Variants in CCSER1 observed in about 807,000 individuals in gnomAD.
CCSER1 encodes coiled-coil serine rich protein 1.
Under a neutral mutation model 82.0 loss-of-function variants are expected in CCSER1, and 41 were observed. The observed-to-expected ratio is 0.50, with a 90% CI of 0.39 to 0.65. The LOEUF is 0.65. Ranked by LOEUF, CCSER1 falls within the 30% of genes least tolerant of loss-of-function variation. The pLI is 0.00. For synonymous variants in CCSER1, 414 were observed against 383.9 expected, an observed-to-expected ratio of 1.08 and a Z score of -0.92; for missense variants, 1,119 against 1,064.2, an observed-to-expected ratio of 1.05 and a Z score of -0.72.
intron 10 of CCSER1, among the ~76,000 whole-genome samples, chr4:91,160,755 G>GTT (rs576500992): frequency 8.8e-4 from 132 of 150,432 alleles, no homozygotes; most frequent in African/African-American, 3.1e-3. Context: ...TGTTGTTGTT[G>GTT]TTTTTTTTGT....
At chr4:90,454,292 C>T (rs1761892238) in intron 4 of CCSER1, among the ~76,000 whole-genome samples, 2 of 142,596 alleles carry the variant, frequency 1.4e-5, no homozygotes, top group African/African-American at 5.3e-5. Flanking sequence ...TGGCCAATTT[C>T]AGGAGGTTCT....
intron 8 of CCSER1, among the ~76,000 whole-genome samples, chr4:90,878,729 G>A (rs147469203): frequency 6.6e-6 from 1 of 152,158 alleles, no homozygotes; most frequent in Non-Finnish European, 1.5e-5. Context: ...TCTAGAAGTG[G>A]ATGTTCTGTG....
rs1760495863 is a variant in CCSER1, at chr4:91,521,952, G to A, written c.2218-76620G>A. Among the ~76,000 whole-genome samples, 3 of 152,132 alleles carry A rather than the reference G, an allele frequency of 2.0e-5. No homozygotes were observed. In the South Asian group the frequency reaches 6.2e-4, roughly 31 times the overall value. On this transcript the variant is annotated intron_variant, in intron 10 of 10. Transcript: ENST00000509176. ...TTGGTGTTTTAGACATGAAGTCCTT[G>A]CCCATGCCTATGTCCTGAATGGTAT...
Position 91,296,483 on chromosome 4 carries a change from A to ATATATATATATATATATATTTATT in CCSER1, c.2217+210492_2217+210493insATATATATATATATATTTATTTAT, listed in dbSNP as rs1175690764. Reference sequence around the variant, plus strand: ...TATATATATGTATATATATATATATATATTTTAATTAAATATACAGTTATC... The same window carrying ATATATATATATATATATATTTATT: ...TATATATATGTATATATATATATATATATATATATATATATATATTTATTTATTTTAATTAAATATACAGTTATC... On this transcript the variant is annotated intron_variant, in intron 10 of 10. Transcript: ENST00000509176. 5.7e-3 allele frequency among the ~76,000 whole-genome samples: 706 copies of ATATATATATATATATATATTTATT among 123,500 alleles called. 38 individuals carry two copies. Among genetic ancestry groups the ATATATATATATATATATATTTATT allele is most frequent in the African/African-American group, 8.9e-3 (259 of 29,016 alleles). 81.0% of individuals were successfully genotyped at this position (123,500 alleles called of 152,430 possible). A position where few individuals can be genotyped will look rare whatever the true frequency, so the allele number is the denominator to read the frequency against.
chr4:91,267,294 TG>T (rs144558701), intron 10 of CCSER1, among the ~76,000 whole-genome samples: 2,325 of 152,202 alleles, frequency 0.015, 61 homozygotes, highest in African/African-American at 0.053. Context: ...ATTAGTTTTT[TG>T]GGGGGGTTCT....
chr4:90,519,871 T>G (rs2153623535), intron 5 of CCSER1, among the ~76,000 whole-genome samples: 1 of 152,092 alleles, frequency 6.6e-6, no homozygotes, highest in South Asian at 2.1e-4. Context: ...AGAAAAAAAC[T>G]TAAATAATCT....
intron 10 of CCSER1, among the ~76,000 whole-genome samples, chr4:91,383,318 C>A (rs1751057068): frequency 1.3e-5 from 2 of 151,988 alleles, no homozygotes; most frequent in African/African-American, 2.4e-5. Flanking sequence ...ATTCTTCAAG[C>A]TTTCCTAACC....
At chr4:90,882,479 A>G (rs1721483026) in intron 8 of CCSER1, among the ~76,000 whole-genome samples, 1 of 152,088 alleles carries the variant, frequency 6.6e-6, no homozygotes, top group African/African-American at 2.4e-5. Context: ...TTTCATTTAT[A>G]TGCTGTGAAT....
At chr4:91,007,886 C>T (rs1403831802) in intron 9 of CCSER1, among the ~76,000 whole-genome samples, 2 of 152,012 alleles carry the variant, frequency 1.3e-5, no homozygotes, top group African/African-American at 4.8e-5. Context: ...TTGCCATATA[C>T]TTCCCTTTGA....
At chr4:91,444,836 G>T (rs912278267) in intron 10 of CCSER1, among the ~76,000 whole-genome samples, 2 of 152,314 alleles carry the variant, frequency 1.3e-5, no homozygotes, top group African/African-American at 2.4e-5. Flanking sequence ...TGTTGTCCTT[G>T]CTTGCTTTAA....
chr4:91,256,861 T>C (rs1382867047), intron 10 of CCSER1, among the ~76,000 whole-genome samples: 2 of 152,340 alleles, frequency 1.3e-5, no homozygotes, highest in East Asian at 3.9e-4. Context: ...CCTCTTCTTC[T>C]TGGGAAGAAA....
chr4:91,577,744 T>C (rs1339640628), intron 10 of CCSER1, among the ~76,000 whole-genome samples: 1 of 152,034 alleles, frequency 6.6e-6, no homozygotes, highest in East Asian at 1.9e-4. Context: ...CTGCTGCCTT[T>C]TATTTCAGGA....
At chr4:90,983,719 C>T (rs974849032) in intron 9 of CCSER1, among the ~76,000 whole-genome samples, 3 of 151,738 alleles carry the variant, frequency 2.0e-5, no homozygotes, top group African/African-American at 7.2e-5. Flanking sequence ...GGCTATTAGA[C>T]ATCCTTTTCT....
intron 10 of CCSER1, among the ~76,000 whole-genome samples, chr4:91,346,224 C>G (rs1748047087): frequency 6.6e-6 from 1 of 151,990 alleles, no homozygotes; most frequent in African/African-American, 2.4e-5. Context: ...ACCATGTTGG[C>G]CAGGATGGTC....
intron 6 of CCSER1, among the ~76,000 whole-genome samples, chr4:90,645,171 GTC>G (rs1412907872): frequency 1.3e-5 from 2 of 151,860 alleles, no homozygotes; most frequent in Non-Finnish European, 2.9e-5. Context: ...ACCTTTCTAA[GTC>G]TCTGATCAAG....
Position 90,578,721 on chromosome 4 carries a change from A to G in CCSER1, c.1725-49304A>G, listed in dbSNP as rs1230486343. Among the ~76,000 whole-genome samples the G allele has an allele frequency of 3.9e-5, 6 of 152,150 alleles. No individual in the cohort carries two copies. In the East Asian group the frequency reaches 1.2e-3, roughly 29 times the overall value. On this transcript the variant is annotated intron_variant, in intron 5 of 10. Coordinates refer to ENST00000509176, the MANE Select transcript of CCSER1 (RefSeq NM_001145065.2). ...ATATTTACGAGTTCCAAGTATTAGG[A>G]CATGGCCATATTTGGGGGGGCCATT...
At chr4:90,241,538 C>T (rs538086109) in intron 1 of CCSER1, among the ~76,000 whole-genome samples, 1 of 152,196 alleles carries the variant, frequency 6.6e-6, no homozygotes, top group East Asian at 1.9e-4. Flanking sequence ...GCAGCCAGAA[C>T]ACTTTTGTTA....
rs1578929238 is a variant in CCSER1, at chr4:90,280,390, T to G, written c.-41-27854T>G. ...TTTCTCCCTTCCCTCCCTCCTTCCA[T>G]CTCCTGTTTTTTTCTTCTTCTTCTT... On this transcript the variant is annotated intron_variant, in intron 1 of 10. Coordinates refer to ENST00000509176, the MANE Select transcript of CCSER1 (RefSeq NM_001145065.2). Among the ~76,000 whole-genome samples the G allele has an allele frequency of 2.6e-5, 4 of 151,686 alleles. No individual in the cohort carries two copies. The East Asian group carries it at 7.8e-4, about 30-fold the overall frequency.
At chr4:91,166,374 T>C (rs774428489) in intron 10 of CCSER1, among the ~76,000 whole-genome samples, 1 of 152,092 alleles carries the variant, frequency 6.6e-6, no homozygotes, top group African/African-American at 2.4e-5. Flanking sequence ...AAAAAAGTGA[T>C]CCAAATAGAT....
Sources: allele counts gnomAD v4.1 joint callset (sites outside exome capture counted in the v4.1 genomes callset), GRCh38; gene constraint gnomAD v4.1.1; transcripts MANE v1.5; gene names NCBI Gene and HGNC (gene_info 2026-07-23, HGNC 2026-07-21).